Variants in ERBB4 observed in about 807,000 individuals in gnomAD.
ERBB4 encodes the protein erb-b2 receptor tyrosine kinase 4, also known as receptor tyrosine-protein kinase erbB-4.
Under a neutral mutation model 158.0 loss-of-function variants are expected in ERBB4, and 42 were observed. That is an observed-to-expected ratio of 0.27 (90% confidence interval 0.21 to 0.34). ERBB4 has a LOEUF of 0.34. Ranked by LOEUF, ERBB4 falls within the 10% of genes least tolerant of loss-of-function variation. The pLI is 1.00. For missense variants in ERBB4, 1,333 were observed against 1,624.1 expected (o/e 0.82, Z 3.08); for synonymous variants, 583 against 558.7 (o/e 1.04, Z -0.61).
intron 20 of ERBB4, among the ~76,000 whole-genome samples, chr2:211,554,997 A>T (rs938842807): frequency 6.6e-6 from 1 of 152,220 alleles, no homozygotes; most frequent in African/African-American, 2.4e-5. Flanking sequence ...CAACGATAAA[A>T]GACGAAATTT....
At chr2:211,640,785 G>C (rs750632902) in intron 16 of ERBB4, among the ~76,000 whole-genome samples, 1 of 152,084 alleles carries the variant, frequency 6.6e-6, no homozygotes, top group Non-Finnish European at 1.5e-5. Flanking sequence ...GACAGATTAG[G>C]AAAGTTTAAA....
intron 1 of ERBB4, among the ~76,000 whole-genome samples, chr2:212,384,035 A>G (rs2090595038): frequency 6.6e-6 from 1 of 151,616 alleles, no homozygotes. Context: ...ATATTTTACC[A>G]GTATCTCTGT....
intron 25 of ERBB4, among the ~76,000 whole-genome samples, chr2:211,410,961 T>C (rs1229503636): frequency 6.6e-6 from 1 of 152,244 alleles, no homozygotes; most frequent in African/African-American, 2.4e-5. Context: ...CAGGCTGAAG[T>C]ACAGTGGCGT....
At chr2:212,026,403 C>T (rs1473909098) in intron 2 of ERBB4, among the ~76,000 whole-genome samples, 1 of 151,622 alleles carries the variant, frequency 6.6e-6, no homozygotes, top group Admixed American at 6.6e-5. Flanking sequence ...ATATTTTATA[C>T]TGTAGATACC....
At chr2:211,485,365 T>C (rs890644025) in intron 20 of ERBB4, among the ~76,000 whole-genome samples, 2 of 152,142 alleles carry the variant, frequency 1.3e-5, no homozygotes, top group African/African-American at 4.8e-5. Context: ...CCTTGTTCGT[T>C]TATCCTTTTT....
intron 3 of ERBB4, among the ~76,000 whole-genome samples, chr2:211,907,862 G>A (rs546865606): frequency 1.3e-5 from 2 of 151,688 alleles, no homozygotes; most frequent in Admixed American, 1.3e-4. Context: ...TTAAGTTTGG[G>A]AGTTTAAGCT....
intron 3 of ERBB4, among the ~76,000 whole-genome samples, chr2:211,931,447 T>C (rs948800731): frequency 6.6e-6 from 1 of 151,918 alleles, no homozygotes; most frequent in African/African-American, 2.4e-5. Flanking sequence ...TCCCATGTGC[T>C]CAGAAAGCAA....
intron 3 of ERBB4, among the ~76,000 whole-genome samples, chr2:211,855,363 T>G (rs2077829583): frequency 6.6e-6 from 1 of 152,202 alleles, no homozygotes; most frequent in Non-Finnish European, 1.5e-5. Flanking sequence ...TTATCAATCT[T>G]TTGCTTCATA....
At chr2:211,645,442 C>T (rs1574916356) in intron 16 of ERBB4, among the ~76,000 whole-genome samples, 1 of 151,376 alleles carries the variant, frequency 6.6e-6, no homozygotes, top group African/African-American at 2.4e-5. Context: ...ATTCTTATTC[C>T]TCCATAAAAA....
At chr2:212,203,279 T>C (rs1041909727) in intron 1 of ERBB4, among the ~76,000 whole-genome samples, 3 of 151,980 alleles carry the variant, frequency 2.0e-5, no homozygotes, top group East Asian at 1.9e-4. Context: ...GGGAAGAAAT[T>C]AGCTATACAG....
At chr2:211,707,848 A>G (rs1401548370) in intron 9 of ERBB4, among the ~76,000 whole-genome samples, 1 of 152,182 alleles carries the variant, frequency 6.6e-6, no homozygotes, top group Non-Finnish European at 1.5e-5. Context: ...ATGAATTGCC[A>G]GTAAATATAT....
intron 1 of ERBB4, among the ~76,000 whole-genome samples, chr2:212,204,135 T>C (rs2082666405): frequency 6.6e-6 from 1 of 152,166 alleles, no homozygotes; most frequent in Non-Finnish European, 1.5e-5. Context: ...ACTTGTAAAA[T>C]AAGTCACTGA....
chr2:211,560,266 T>TTTTTTTTTTTTTTTTTTTTTTTTTG (rs2067352839), intron 20 of ERBB4, among the ~76,000 whole-genome samples: 1 of 97,616 alleles, frequency 1.0e-5, no homozygotes, highest in African/African-American at 4.3e-5. Context: ...GCTTAGCTTT[T>TTTTTTTTTTTTTTTTTTTTTTTTTG]TTTTTTTTTT....
At chr2:212,488,229 C>G (rs1044406564) in intron 1 of ERBB4, among the ~76,000 whole-genome samples, 6 of 151,916 alleles carry the variant, frequency 3.9e-5, no homozygotes, top group African/African-American at 1.5e-4. Context: ...TTGGAATCAC[C>G]ATTTGCAACT....
intron 25 of ERBB4, among the ~76,000 whole-genome samples, chr2:211,396,242 T>C (rs977309804): frequency 6.6e-6 from 1 of 152,066 alleles, no homozygotes; most frequent in Non-Finnish European, 1.5e-5. Context: ...TAAAACAAGA[T>C]AACAAAGGTT....
rs2062600807 is a variant in ERBB4 at position 211,383,038 on chromosome 2, T to G, written c.*577A>C. On this transcript the variant is annotated 3_prime_UTR_variant, in exon 28 of 28. Coordinates refer to ENST00000342788, the MANE Select transcript of ERBB4 (RefSeq NM_005235.3). ...ATGGAGATTTTTAAATTATGAAAGT[T>G]GAGTTGGCCATTCTTACTTGCTAGG... 4.3e-6 allele frequency: 1 copy of G among 232,436 alleles called. No individual in the cohort carries two copies. The highest frequency in any genetic ancestry group is 1.8e-4 in the South Asian group (1 of 5,518). 14.4% of individuals were successfully genotyped at this position (232,436 alleles called of 1,614,324 possible).
At chr2:212,525,857 A>G (rs2106327863) in intron 1 of ERBB4, among the ~76,000 whole-genome samples, 1 of 152,154 alleles carries the variant, frequency 6.6e-6, no homozygotes, top group East Asian at 1.9e-4. Flanking sequence ...ACCAGATTCA[A>G]ATCACAAAAT....
intron 3 of ERBB4, among the ~76,000 whole-genome samples, chr2:211,802,620 T>G: frequency 6.6e-6 from 1 of 151,832 alleles, no homozygotes; most frequent in East Asian, 1.9e-4. Flanking sequence ...GAAATAAAAA[T>G]ATGTTTAAAA....
intron 2 of ERBB4, among the ~76,000 whole-genome samples, chr2:212,120,171 T>C (rs1018144415): frequency 2.6e-5 from 4 of 152,168 alleles, no homozygotes; most frequent in Non-Finnish European, 5.9e-5. Context: ...TCTGTTTCAG[T>C]GTGTTGGCTT....
Sources: gnomAD v4.1 joint callset for allele counts (sites outside exome capture counted in the v4.1 genomes callset) on GRCh38, gnomAD v4.1.1 for gene constraint, MANE v1.5 for transcripts, NCBI Gene and HGNC (gene_info 2026-07-23, HGNC 2026-07-21) for gene names.